The following GLG1 variants were observed in gnomAD, a reference collection of about 807,000 sequenced individuals.
GLG1 encodes Golgi apparatus protein 1.
A neutral mutation model predicts 160.5 loss-of-function variants in GLG1; 38 were observed. The ratio of observed to expected loss-of-function variants is 0.24; its 90% CI spans 0.18 to 0.31. GLG1 has a LOEUF of 0.31. Among genes scored for constraint, GLG1 ranks in the 10% least tolerant of loss-of-function variants. GLG1 has a pLI of 1.00. For synonymous variants in GLG1, 644 were observed against 543.4 expected, an observed-to-expected ratio of 1.19 and a Z score of -2.57; for missense variants, 1,373 against 1,505.2, an observed-to-expected ratio of 0.91 and a Z score of 1.45.
In GLG1 at chr16:74,471,177, T is replaced by C. The variant is rs1341674046; in HGVS notation, c.2225A>G (p.Gln742Arg). 1 of 1,568,468 alleles carries C rather than the reference T, an allele frequency of 6.4e-7. No individual in the cohort carries two copies. Residue 742 changes from glutamine to arginine, a missense_variant, in exon 15 of 26, where the codon CAG becomes CGG. By Grantham distance (43) the Gln-to-Arg change is conservative. Transcript: ENST00000422840. ...TGGCAGCCAGGTGTCACTGACCAGCTGGAAGTGGGTAACTCCGATGGCACA... is the reference window on the plus strand; with the variant it reads ...TGGCAGCCAGGTGTCACTGACCAGCCGGAAGTGGGTAACTCCGATGGCACA... ...EKCAIGVTHFQLVQMKDFRFS... is the reference protein window; with the variant it reads ...EKCAIGVTHFRLVQMKDFRFS...
intron 3 of GLG1, among the ~76,000 whole-genome samples, 159 bp downstream of exon 3, chr16:74,508,680 A>C (rs1241652427): frequency 6.6e-6 from 1 of 152,172 alleles, no homozygotes; most frequent in Non-Finnish European, 1.5e-5. Context: ...ACATTAACAA[A>C]AAGAGTCTAA....
chr16:74,501,897 A>G (rs1341000542), intron 4 of GLG1, among the ~76,000 whole-genome samples: 2 of 152,190 alleles, frequency 1.3e-5, no homozygotes, highest in Non-Finnish European at 2.9e-5. Flanking sequence ...TGAAAGATTT[A>G]TGCCAAGCCA....
At chr16:74,555,131 C>T (rs1348845384) in intron 1 of GLG1, among the ~76,000 whole-genome samples, 1 of 152,088 alleles carries the variant, frequency 6.6e-6, no homozygotes, top group Non-Finnish European at 1.5e-5. Context: ...ACCAGATGGG[C>T]CATTCTCACA....
chr16:74,604,597 C>A (rs1256918771), intron 1 of GLG1, among the ~76,000 whole-genome samples: 1 of 152,236 alleles, frequency 6.6e-6, no homozygotes, highest in Non-Finnish European at 1.5e-5. Context: ...TCAAATAGTT[C>A]TACTTACTGA....
At chr16:74,498,831 C>T (rs1198184666) in intron 4 of GLG1, among the ~76,000 whole-genome samples, 1 of 139,758 alleles carries the variant, frequency 7.2e-6, no homozygotes, top group East Asian at 2.1e-4. Context: ...TGCCACTGCA[C>T]TCCAGCATAG....
At chr16:74,530,703 T>C (rs2017505363) in intron 2 of GLG1, among the ~76,000 whole-genome samples, 1 of 151,958 alleles carries the variant, frequency 6.6e-6, no homozygotes, top group South Asian at 2.1e-4. Context: ...AGTTTTGTGA[T>C]CGTAGGTCAC....
At chr16:74,495,816 G>C (rs1341805156) in intron 5 of GLG1, among the ~76,000 whole-genome samples, 2 of 152,210 alleles carry the variant, frequency 1.3e-5, no homozygotes, top group African/African-American at 2.4e-5. Flanking sequence ...ACTAAGTGGA[G>C]ATCATTAGAA....
intron 2 of GLG1, among the ~76,000 whole-genome samples, chr16:74,528,806 T>C (rs2017427262): frequency 1.4e-5 from 1 of 73,362 alleles, no homozygotes; most frequent in African/African-American, 5.2e-5. Context: ...AGCGAGATTC[T>C]GTCTCAAAAA....
rs1408631108 is a variant in GLG1, at chr16:74,468,955, C to T, written c.2427G>A (p.Glu809=). The T allele has an allele frequency of 3.1e-6, 5 of 1,593,696 alleles. No homozygotes were observed. The African/African-American group carries it at 6.7e-5, about 21-fold the overall frequency. The change falls in exon 17 of 26, where the codon GAG becomes GAA. Residue 809 remains glutamate, a synonymous_variant. Transcript: ENST00000422840. ...GGCTGGGAGGCATTACCATCTCCAG[C>T]TCCTCCACACGGAGCTGCCTGCGGC... ...LKCRRQLRVE[E]LEMTEDIRLE...
intron 1 of GLG1, among the ~76,000 whole-genome samples, chr16:74,553,676 T>C (rs2018272987): frequency 6.6e-6 from 1 of 152,102 alleles, no homozygotes. Context: ...GGTTTCACCA[T>C]GTTAGCCAGG....
At chr16:74,458,566 C>A (rs888148826) in intron 23 of GLG1, among the ~76,000 whole-genome samples, 3 of 152,020 alleles carry the variant, frequency 2.0e-5, no homozygotes, top group African/African-American at 7.2e-5. Flanking sequence ...TGGTCCTAGC[C>A]ACCTGGGAGG....
chr16:74,477,602 C>T, intron 11 of GLG1, 69 bp from the exon 12 acceptor site: 2 of 1,168,708 alleles, frequency 1.7e-6, no homozygotes, highest in Non-Finnish European at 2.5e-6. Flanking sequence ...ATGAGATAAA[C>T]CTGCTATGAG....
intron 2 of GLG1, among the ~76,000 whole-genome samples, chr16:74,510,980 G>C (rs1373167192): frequency 6.6e-6 from 1 of 152,130 alleles, no homozygotes; most frequent in Admixed American, 6.5e-5. Flanking sequence ...AGGGTAGGGA[G>C]AAGACTTTTT....
At chr16:74,467,910 T>C in intron 17 of GLG1, 62 bp from the exon 18 acceptor site, 2 of 1,090,970 alleles carry the variant, frequency 1.8e-6, no homozygotes, top group Non-Finnish European at 2.8e-6. Flanking sequence ...TCATATGTTC[T>C]GGAGACTTAT....
intron 1 of GLG1, among the ~76,000 whole-genome samples, chr16:74,606,121 A>C (rs1958559405): frequency 6.6e-6 from 1 of 152,222 alleles, no homozygotes; most frequent in Non-Finnish European, 1.5e-5. Flanking sequence ...CAGCTTAAAC[A>C]TGGGGTTCAA....
chr16:74,523,600 A>T (rs1361799380), intron 2 of GLG1, among the ~76,000 whole-genome samples: 2 of 151,974 alleles, frequency 1.3e-5, no homozygotes, highest in Non-Finnish European at 2.9e-5. Flanking sequence ...AAGGCCTTCA[A>T]ATTTCTCTTA....
At position 74,479,051 on chromosome 16, in the gene GLG1, C is replaced by CAAAAAAAAAA. The variant is rs34125450; in HGVS notation, c.1827+1180_1827+1189dup. Among the ~76,000 whole-genome samples the CAAAAAAAAAA allele has an allele frequency of 3.6e-3, 64 of 17,580 alleles. 20 individuals carry two copies. The highest frequency in any genetic ancestry group is 4.5e-3 in the Admixed American group (4 of 888). 11.5% of individuals were successfully genotyped at this position (17,580 alleles called of 152,430 possible). A position where few individuals can be genotyped will look rare whatever the true frequency, so the allele number is the denominator to read the frequency against. On this transcript the variant is annotated intron_variant, in intron 11 of 25. Coordinates refer to ENST00000422840, the MANE Select transcript of GLG1 (RefSeq NM_001145667.2). Reference sequence around the variant, plus strand: ...AGAAACCCCGTCTCTATTAAAAATCCAAAAAAAAAAAAAAAAAAAAAAAAA... The same window carrying CAAAAAAAAAA: ...AGAAACCCCGTCTCTATTAAAAATCCAAAAAAAAAAAAAAAAAAAAAAAAAAAAAAAAAAA...
At chr16:74,595,688 G>C (rs896896110) in intron 1 of GLG1, among the ~76,000 whole-genome samples, 1 of 152,028 alleles carries the variant, frequency 6.6e-6, no homozygotes, top group Non-Finnish European at 1.5e-5. Flanking sequence ...TTTTCTTCTA[G>C]ATCAGTGCTA....
At position 74,453,126 on chromosome 16, in the gene GLG1, T is replaced by C; in HGVS notation, c.*41A>G. ...TGCTATACAAGAGGGCTGTACAAAC[T>C]GGGCACTGGATAGGTAGTTCCTTTG... On this transcript the variant is annotated 3_prime_UTR_variant, in exon 26 of 26. Coordinates refer to ENST00000422840, the MANE Select transcript of GLG1 (RefSeq NM_001145667.2). 6.2e-7 allele frequency: 1 copy of C among 1,602,632 alleles called. No individual in the cohort carries two copies. The highest frequency in any genetic ancestry group is 8.5e-7 in the Non-Finnish European group (1 of 1,174,010).
Sources: gnomAD v4.1 joint callset for allele counts (sites outside exome capture counted in the v4.1 genomes callset) on GRCh38, gnomAD v4.1.1 for gene constraint, MANE v1.5 for transcripts, NCBI Gene and HGNC (gene_info 2026-07-23, HGNC 2026-07-21) for gene names.